VWA5B1: variants seen among roughly 807,000 people sequenced by gnomAD.
VWA5B1 encodes von Willebrand factor A domain containing 5B1.
Under a neutral mutation model 118.2 loss-of-function variants are expected in VWA5B1, and 115 were observed. The observed-to-expected ratio is 0.97, with a 90% CI of 0.84 to 1.14. The LOEUF (loss-of-function observed/expected upper bound fraction) is 1.14. Among genes scored for constraint, VWA5B1 ranks in the 50% most tolerant of loss-of-function variants. The pLI is 0.00. For missense variants in VWA5B1, 1,596 were observed against 1,603.8 expected (o/e 1.00, Z 0.08); for synonymous variants, 682 against 658.4 (o/e 1.04, Z -0.55).
chr1:20,292,016 G>A (rs2088317079), intron 1 of VWA5B1, among the ~76,000 whole-genome samples: 1 of 152,278 alleles, frequency 6.6e-6, no homozygotes, highest in African/African-American at 2.4e-5. Context: ...AGCAACAGGC[G>A]TCACACCATC....
chr1:20,307,068 G>A (rs937741163), intron 1 of VWA5B1, among the ~76,000 whole-genome samples: 1 of 152,030 alleles, frequency 6.6e-6, no homozygotes, highest in Non-Finnish European at 1.5e-5. Flanking sequence ...CTCTTTTCCA[G>A]ATGTAGCATC....
At chr1:20,343,038 C>T (rs1388934930) in intron 15 of VWA5B1, 41 bp from the exon 16 acceptor site, 19 of 1,474,466 alleles carry the variant, frequency 1.3e-5, no homozygotes, top group Non-Finnish European at 1.6e-5. Context: ...GCCGTCTGTC[C>T]CCCAGGTCAG....
Position 20,328,237 on chromosome 1 carries a change from TG to T in VWA5B1, c.1254+240del, listed in dbSNP as rs141744862. ...TCCTCTTTAGAATCAAACAATATTTTGGGCAAAGTGTGTGTGTGTACAGAAA... is the reference window on the plus strand; with the variant it reads ...TCCTCTTTAGAATCAAACAATATTTTGGCAAAGTGTGTGTGTGTACAGAAA... On this transcript the variant is annotated intron_variant, in intron 9 of 21. Transcript: ENST00000289815. 0.014 allele frequency among the ~76,000 whole-genome samples: 2,185 copies of T among 152,142 alleles called. 340 individuals are homozygous for T. In the East Asian group the frequency reaches 0.36, roughly 25 times the overall value.
chr1:20,356,414 C>T lies in VWA5B1; in HGVS notation c.*2151C>T, dbSNP rs541442233. ...TCTCTGTGTGACCTTGAACAAGTGG[C>T]GTGTGTGTTCTGGGCCTCTTTCTTC... On this transcript the variant is annotated 3_prime_UTR_variant, in exon 22 of 22. Coordinates refer to ENST00000289815, the MANE Select transcript of VWA5B1 (RefSeq NM_001039500.3). 3.9e-5 allele frequency among the ~76,000 whole-genome samples: 6 copies of T among 152,262 alleles called. No homozygotes were observed. Among genetic ancestry groups the T allele is most frequent in the East Asian group, 3.9e-4 (2 of 5,190 alleles).
chr1:20,316,464 A>T (rs1230616212), intron 4 of VWA5B1, among the ~76,000 whole-genome samples: 1 of 152,172 alleles, frequency 6.6e-6, no homozygotes, highest in Non-Finnish European at 1.5e-5. Context: ...AAAGTAAGAG[A>T]TCGAGGGAGA....
rs1041835166 is a variant in VWA5B1 at position 20,357,459 on chromosome 1, A to G, written c.*3196A>G. 2.6e-5 allele frequency among the ~76,000 whole-genome samples: 4 copies of G among 152,216 alleles called. No individual in the cohort carries two copies. Among genetic ancestry groups the G allele is most frequent in the Non-Finnish European group, 5.9e-5 (4 of 68,052 alleles). On this transcript the variant is annotated 3_prime_UTR_variant, in exon 22 of 22. Coordinates refer to ENST00000289815, the MANE Select transcript of VWA5B1 (RefSeq NM_001039500.3). ...CGTTAATATGTTACTGTGCGTTGTC[A>G]GGCTCCGAGCAGGTGACCCAGCAGC...
At chr1:20,314,124 A>G (rs2088929155) in intron 3 of VWA5B1, among the ~76,000 whole-genome samples, 198 bp from the exon 4 acceptor site, 1 of 152,110 alleles carries the variant, frequency 6.6e-6, no homozygotes. Context: ...GGTAGAGTGG[A>G]AAGTTCACAG....
intron 7 of VWA5B1, 126 bp downstream of exon 7, chr1:20,319,632 C>T: frequency 2.2e-6 from 3 of 1,387,664 alleles, no homozygotes; most frequent in Non-Finnish European, 2.9e-6. Flanking sequence ...TGGAGGCAGA[C>T]ACCAGGCAAG....
chr1:20,333,550 A>G (rs1455647660), intron 12 of VWA5B1, among the ~76,000 whole-genome samples: 1 of 152,268 alleles, frequency 6.6e-6, no homozygotes, highest in African/African-American at 2.4e-5. Context: ...GATAAAGCCC[A>G]GGAAACTGCA....
rs1207168915 is a variant in VWA5B1, at chr1:20,345,572, G to A, written c.2743G>A (p.Val915Met). The A allele has an allele frequency of 1.9e-5, 29 of 1,550,004 alleles. No individual in the cohort carries two copies. The highest frequency in any genetic ancestry group is 3.9e-5 in the Admixed American group (2 of 50,882). ...GAGCAAGAGCCGGTACCTGCCCACC[G>A]TGGTGGAGTACCCCAACTCTGGTAA... is the stretch of plus-strand genomic sequence containing the variant. The part of the protein sequence containing the change: ...DVSKSRYLPT[V>M]VEYPNSGAAL... Residue 915 changes from valine (V) to methionine (M), a missense_variant, in exon 17 of 22, where the codon GTG (valine) becomes ATG (methionine). By Grantham distance (21) the Val-to-Met change is conservative. Transcript: ENST00000289815.
chr1:20,317,451 G>A (rs4654851), intron 4 of VWA5B1, 79 bp from the exon 5 acceptor site: 2 of 1,504,114 alleles, frequency 1.3e-6, no homozygotes, highest in Non-Finnish European at 1.8e-6. Context: ...GGAACTCATC[G>A]TCCTCTCCTT....
chr1:20,343,528 T>G, intron 16 of VWA5B1, 135 bp downstream of exon 16: 1 of 1,358,420 alleles, frequency 7.4e-7, no homozygotes, highest in Non-Finnish European at 9.5e-7. Flanking sequence ...GCTTCCCGGG[T>G]CCTACCCCAC....
At position 20,343,181 on chromosome 1, in the gene VWA5B1, C is replaced by G; in HGVS notation, c.2414C>G (p.Pro805Arg). 6.5e-7 allele frequency: 1 copy of G among 1,549,714 alleles called. No individual in the cohort carries two copies. Among genetic ancestry groups the G allele is most frequent in the Non-Finnish European group, 8.7e-7 (1 of 1,146,620 alleles). The change falls in exon 16 of 22, where the codon CCG (proline) becomes CGG (arginine). Residue 805 changes from proline (P) to arginine (R), a missense_variant. Transcript: ENST00000289815. ...GCCAGTCCCAGCAGGCCCGCCACCC[C>G]GGCCCCGGTGCTGGGCAAGGCCCTG... ...ERASPSRPAT[P>R]APVLGKALVK...
At chr1:20,294,857 G>A (rs1458974774) in intron 1 of VWA5B1, among the ~76,000 whole-genome samples, 1 of 152,230 alleles carries the variant, frequency 6.6e-6, no homozygotes, top group African/African-American at 2.4e-5. Flanking sequence ...CCAAAATGCT[G>A]GAATTACAGG....
chr1:20,291,499 TTC>T (rs1015943039), intron 1 of VWA5B1, among the ~76,000 whole-genome samples: 10 of 151,104 alleles, frequency 6.6e-5, no homozygotes, highest in Admixed American at 5.3e-4. Flanking sequence ...CTGCGTCTCC[TTC>T]TCTCTGTGTC....
intron 1 of VWA5B1, among the ~76,000 whole-genome samples, chr1:20,299,110 A>T (rs1467067755): frequency 6.6e-6 from 1 of 152,204 alleles, no homozygotes; most frequent in Non-Finnish European, 1.5e-5. Context: ...CTTTCTTAGC[A>T]CAGTGCCTAC....
chr1:20,328,098 G>A, intron 9 of VWA5B1, 98 bp downstream of exon 9: 2 of 1,167,178 alleles, frequency 1.7e-6, no homozygotes, highest in Non-Finnish European at 1.2e-6. Context: ...CCTAGTGCTG[G>A]CCTCAGAAGC....
intron 1 of VWA5B1, among the ~76,000 whole-genome samples, chr1:20,304,076 C>A (rs1268956609): frequency 6.6e-6 from 1 of 152,184 alleles, no homozygotes; most frequent in Non-Finnish European, 1.5e-5. Context: ...TCCTCCAAAC[C>A]AAGCACAGTC....
Position 20,348,428 on chromosome 1 carries a change from G to A in VWA5B1, c.2878+70G>A, listed in dbSNP as rs1031319934. On this transcript the variant is annotated intron_variant, in intron 18 of 21. Transcript: ENST00000289815. ...AAGCCTGGGCCCCTGAGGTTACCGC[G>A]TCCTCCTGTCCGAGGCCCTAGGACC... 3.2e-5 allele frequency: 47 copies of A among 1,475,002 alleles called. No individual in the cohort carries two copies. In the Middle Eastern group the frequency reaches 5.1e-4, roughly 16 times the overall value. 91.4% of individuals were successfully genotyped at this position (1,475,002 alleles called of 1,614,324 possible).
Sources: gnomAD v4.1 joint callset for allele counts (sites outside exome capture counted in the v4.1 genomes callset) on GRCh38, gnomAD v4.1.1 for gene constraint, MANE v1.5 for transcripts, NCBI Gene and HGNC (gene_info 2026-07-23, HGNC 2026-07-21) for gene names.